Variants in PARD3B observed in about 807,000 individuals in gnomAD.
The protein encoded by PARD3B is partitioning defective 3 homolog B.
A neutral mutation model predicts 130.2 loss-of-function variants in PARD3B; 103 were observed. The observed-to-expected ratio is 0.79, with a 90% confidence interval of 0.67 to 0.93. The LOEUF (loss-of-function observed/expected upper bound fraction) is 0.93. PARD3B is among the 40% of genes least tolerant of loss of function. The probability of loss-of-function intolerance (pLI) is 0.00; values close to 1 mark genes in which losing one functional copy is unlikely to be tolerated. For synonymous variants in PARD3B, 583 were observed against 553.2 expected (o/e 1.05, Z -0.76); for missense variants, 1,609 against 1,499.2 (o/e 1.07, Z -1.21).
At chr2:204,946,631 C>T (rs1414923381) in intron 2 of PARD3B, among the ~76,000 whole-genome samples, 1 of 152,142 alleles carries the variant, frequency 6.6e-6, no homozygotes, top group African/African-American at 2.4e-5. Context: ...GATGTACTGT[C>T]AGGGTTCTCC....
chr2:205,070,126 T>A (rs185299171), intron 4 of PARD3B, among the ~76,000 whole-genome samples: 93 of 152,270 alleles, frequency 6.1e-4, no homozygotes, highest in African/African-American at 2.2e-3. Flanking sequence ...TGCTATGTGA[T>A]TGTGAAATCA....
At chr2:205,113,420 G>T in intron 5 of PARD3B, 71 bp from the exon 6 acceptor site, 1 of 861,080 alleles carries the variant, frequency 1.2e-6, no homozygotes, top group South Asian at 1.5e-5. Context: ...GTGTGTGTGT[G>T]TGTATTTTAG....
chr2:204,596,962 C>CTATA (rs1410872297), intron 1 of PARD3B, among the ~76,000 whole-genome samples: 1 of 146,214 alleles, frequency 6.8e-6, no homozygotes, highest in African/African-American at 2.5e-5. Context: ...CTCTCTCTCT[C>CTATA]TATATATATA....
Position 205,375,688 on chromosome 2 carries a change from T to A in PARD3B, c.2631-25325T>A, listed in dbSNP as rs112575933. Among the ~76,000 whole-genome samples the A allele has an allele frequency of 1.8e-3, 281 of 152,192 alleles. 1 individual carries two copies. The highest frequency in any genetic ancestry group is 6.5e-3 in the African/African-American group (268 of 41,534). The stretch of plus-strand genomic sequence containing the variant: ...AGAGAGAGAACGCACATGTTTGTAA[T>A]TTAAGAGATTGTCTCTCTACTGGAA... On this transcript the variant is annotated intron_variant, in intron 18 of 22. Coordinates refer to ENST00000406610, the MANE Select transcript of PARD3B (RefSeq NM_001302769.2).
chr2:205,067,095 CTTTTTTTT>C (rs10672449), intron 4 of PARD3B, among the ~76,000 whole-genome samples: 20 of 59,714 alleles, frequency 3.3e-4, no homozygotes, highest in African/African-American at 1.2e-3. Flanking sequence ...TTTTACTAGG[CTTTTTTTT>C]TTTTTTTTTT....
At chr2:204,622,611 C>T (rs2034344766) in intron 1 of PARD3B, among the ~76,000 whole-genome samples, 1 of 151,420 alleles carries the variant, frequency 6.6e-6, no homozygotes. Context: ...TTATATACTA[C>T]TATTATATAG....
intron 10 of PARD3B, among the ~76,000 whole-genome samples, chr2:205,156,397 A>G (rs529870501): frequency 2.5e-4 from 38 of 152,014 alleles, no homozygotes; most frequent in Non-Finnish European, 3.4e-4. Context: ...ATGTACCCTA[A>G]AACTTAAAGT....
chr2:204,772,032 G>C (rs1433670985), intron 2 of PARD3B, among the ~76,000 whole-genome samples: 1 of 151,922 alleles, frequency 6.6e-6, no homozygotes, highest in Admixed American at 6.6e-5. Context: ...ATTTTACCTT[G>C]TCTTTGCATG....
At chr2:205,395,317 C>T (rs985309312) in intron 18 of PARD3B, among the ~76,000 whole-genome samples, 7 of 152,220 alleles carry the variant, frequency 4.6e-5, no homozygotes, top group African/African-American at 1.7e-4. Context: ...GTTGCCAAAT[C>T]TAATGAACGC....
chr2:205,616,118 T>G lies in PARD3B; in HGVS notation c.*305T>G, dbSNP rs1395524030. On this transcript the variant is annotated 3_prime_UTR_variant, in exon 23 of 23. Coordinates refer to ENST00000406610, the MANE Select transcript of PARD3B (RefSeq NM_001302769.2). The stretch of plus-strand genomic sequence containing the variant: ...GGCAACGGAACACACAAACAACTAA[T>G]TATGGAACTCTACTCTGGGGATCCT... The G allele has an allele frequency of 2.9e-6, 1 of 344,858 alleles. No homozygotes were observed. The highest frequency in any genetic ancestry group is 5.3e-6 in the Non-Finnish European group (1 of 190,076). 21.4% of individuals were successfully genotyped at this position (344,858 alleles called of 1,614,324 possible). A position where few individuals can be genotyped will look rare whatever the true frequency, so the allele number is the denominator to read the frequency against.
At chr2:204,895,584 T>G (rs570895731) in intron 2 of PARD3B, among the ~76,000 whole-genome samples, 1 of 152,290 alleles carries the variant, frequency 6.6e-6, no homozygotes, top group South Asian at 2.1e-4. Flanking sequence ...ATTGTTGCAT[T>G]AAATTGTTTA....
intron 3 of PARD3B, among the ~76,000 whole-genome samples, chr2:205,031,566 A>G (rs528806620): frequency 5.9e-5 from 9 of 152,308 alleles, no homozygotes; most frequent in African/African-American, 2.2e-4. Context: ...AGTGAGTGGT[A>G]GGCCTATGTT....
chr2:205,426,212 A>C (rs1319408883), intron 19 of PARD3B, among the ~76,000 whole-genome samples: 4 of 152,140 alleles, frequency 2.6e-5, no homozygotes, highest in Non-Finnish European at 5.9e-5. Context: ...GATCACAAAG[A>C]TTGCATGTAA....
chr2:205,464,915 G>A (rs911270180), intron 20 of PARD3B, among the ~76,000 whole-genome samples: 2 of 152,282 alleles, frequency 1.3e-5, no homozygotes, highest in South Asian at 2.1e-4. Context: ...CCCCTCGGAA[G>A]CCTTAAGGAA....
At chr2:204,835,635 A>G (rs2044000723) in intron 2 of PARD3B, among the ~76,000 whole-genome samples, 1 of 152,200 alleles carries the variant, frequency 6.6e-6, no homozygotes. Flanking sequence ...TAAAATACAG[A>G]TGGTCCCCAA....
At chr2:204,981,285 T>TA (rs1692645927) in intron 3 of PARD3B, among the ~76,000 whole-genome samples, 2 of 152,160 alleles carry the variant, frequency 1.3e-5, no homozygotes, top group African/African-American at 4.8e-5. Context: ...ACAGCATCCC[T>TA]ATTCATATCA....
chr2:204,999,327 A>G (rs760729246), intron 3 of PARD3B, among the ~76,000 whole-genome samples: 25 of 152,228 alleles, frequency 1.6e-4, no homozygotes, highest in Non-Finnish European at 3.7e-4. Flanking sequence ...AAATGGAAGT[A>G]TATTTAAAAT....
intron 2 of PARD3B, among the ~76,000 whole-genome samples, chr2:204,832,938 A>G (rs1450886761): frequency 2.0e-5 from 3 of 152,194 alleles, no homozygotes; most frequent in Non-Finnish European, 2.9e-5. Context: ...AAGAACGAAT[A>G]TGCTTTGAAA....
At chr2:205,089,475 A>T (rs886560940) in intron 4 of PARD3B, among the ~76,000 whole-genome samples, 20 of 152,148 alleles carry the variant, frequency 1.3e-4, no homozygotes, top group Non-Finnish European at 2.4e-4. Flanking sequence ...GCTTACTCAT[A>T]AAATATGTGC....
Sources: gnomAD v4.1 joint callset for allele counts (sites outside exome capture counted in the v4.1 genomes callset) on GRCh38, gnomAD v4.1.1 for gene constraint, MANE v1.5 for transcripts, NCBI Gene and HGNC (gene_info 2026-07-23, HGNC 2026-07-21) for gene names.